The following CNTNAP2 variants were observed in gnomAD, a reference collection of about 807,000 sequenced individuals.
The protein encoded by CNTNAP2 is contactin-associated protein-like 2.
In CNTNAP2, 98 loss-of-function variants were observed where a neutral mutation model predicts 155.2. The ratio of observed to expected loss-of-function variants is 0.63; its 90% CI spans 0.54 to 0.75. CNTNAP2 has a LOEUF of 0.75. Ranked by LOEUF, CNTNAP2 falls within the 30% of genes least tolerant of loss-of-function variation. The pLI is 0.00. For synonymous variants in CNTNAP2, 651 were observed against 631.2 expected, an observed-to-expected ratio of 1.03 and a Z score of -0.47; for missense variants, 1,727 against 1,688.1, an observed-to-expected ratio of 1.02 and a Z score of -0.40.
At chr7:148,048,397 A>G (rs1363327532) in intron 15 of CNTNAP2, among the ~76,000 whole-genome samples, 1 of 152,148 alleles carries the variant, frequency 6.6e-6, no homozygotes, top group African/African-American at 2.4e-5. Flanking sequence ...CCCCACCCCA[A>G]TCACCACCTC....
chr7:146,345,190 G>A (rs1794800566), intron 1 of CNTNAP2, among the ~76,000 whole-genome samples: 1 of 152,134 alleles, frequency 6.6e-6, no homozygotes, highest in Non-Finnish European at 1.5e-5. Flanking sequence ...AAATTGACAA[G>A]AGATACCATG....
At chr7:148,174,493 T>A (rs1794899154) in intron 18 of CNTNAP2, among the ~76,000 whole-genome samples, 1 of 152,130 alleles carries the variant, frequency 6.6e-6, no homozygotes, top group Non-Finnish European at 1.5e-5. Flanking sequence ...GGCCGAAGAA[T>A]GAGCTCCATG....
At chr7:146,395,835 GA>G (rs1795618157) in intron 1 of CNTNAP2, among the ~76,000 whole-genome samples, 9 of 99,330 alleles carry the variant, frequency 9.1e-5, no homozygotes, top group East Asian at 4.2e-4. Flanking sequence ...AGGAGAGAGA[GA>G]GAGAGAGAGA....
chr7:147,566,470 A>G (rs1800173578), intron 12 of CNTNAP2, among the ~76,000 whole-genome samples: 1 of 152,048 alleles, frequency 6.6e-6, no homozygotes, highest in Non-Finnish European at 1.5e-5. Flanking sequence ...CTTCCCTGAG[A>G]TTGAGTAATT....
At chr7:148,326,726 A>C (rs533485305) in intron 21 of CNTNAP2, among the ~76,000 whole-genome samples, 1 of 152,058 alleles carries the variant, frequency 6.6e-6, no homozygotes, top group African/African-American at 2.4e-5. Flanking sequence ...TTAGCCGGGC[A>C]TGGTGGTGGG....
intron 3 of CNTNAP2, among the ~76,000 whole-genome samples, chr7:146,928,613 C>T (rs901131033): frequency 7.2e-5 from 11 of 152,034 alleles, no homozygotes; most frequent in East Asian, 1.9e-4. Flanking sequence ...GCACCGTGCA[C>T]GAGCCGAAGC....
Position 146,578,421 on chromosome 7 carries a change from T to C in CNTNAP2, c.98-195850T>C, listed in dbSNP as rs543856421. Among the ~76,000 whole-genome samples, 3 of 151,908 alleles carry C rather than the reference T, an allele frequency of 2.0e-5. 1 individual carries two copies. The South Asian group carries it at 6.2e-4, about 31-fold the overall frequency. ...TTAGACACATGCATGTTGTTCATCC[T>C]CAGCTCCAGAAAAACACAACCTTAA... is the stretch of plus-strand genomic sequence containing the variant. On this transcript the variant is annotated intron_variant, in intron 1 of 23. Transcript: ENST00000361727.
chr7:146,932,882 G>T (rs1228677998), intron 3 of CNTNAP2, among the ~76,000 whole-genome samples: 4 of 152,116 alleles, frequency 2.6e-5, no homozygotes, highest in Non-Finnish European at 5.9e-5. Flanking sequence ...ACTCACAAGG[G>T]ATGTGAAGGA....
chr7:146,230,273 A>G (rs1165488943), intron 1 of CNTNAP2, among the ~76,000 whole-genome samples: 1 of 152,192 alleles, frequency 6.6e-6, no homozygotes, highest in African/African-American at 2.4e-5. Context: ...AAGTGTCAAA[A>G]GAATTCTGCT....
chr7:147,835,877 C>G (rs1322783188), intron 13 of CNTNAP2, among the ~76,000 whole-genome samples: 1 of 152,092 alleles, frequency 6.6e-6, no homozygotes, highest in Non-Finnish European at 1.5e-5. Flanking sequence ...GTTCTGTGGT[C>G]ACAAGACCAA....
At chr7:146,473,518 A>T (rs1475674071) in intron 1 of CNTNAP2, among the ~76,000 whole-genome samples, 1 of 152,118 alleles carries the variant, frequency 6.6e-6, no homozygotes, top group Non-Finnish European at 1.5e-5. Flanking sequence ...GTTTGAGTTG[A>T]ATTTGATCTA....
At chr7:146,993,216 G>A (rs571707868) in intron 3 of CNTNAP2, among the ~76,000 whole-genome samples, 1 of 152,258 alleles carries the variant, frequency 6.6e-6, no homozygotes, top group East Asian at 1.9e-4. Context: ...CTTGGGGTTG[G>A]CATATTTCTA....
intron 1 of CNTNAP2, among the ~76,000 whole-genome samples, chr7:146,279,925 A>G (rs1404692753): frequency 6.6e-6 from 1 of 151,916 alleles, no homozygotes; most frequent in Non-Finnish European, 1.5e-5. Context: ...ATATACTAAT[A>G]AGTGAAAGGA....
intron 14 of CNTNAP2, among the ~76,000 whole-genome samples, chr7:147,931,420 G>A (rs557715728): frequency 6.6e-6 from 1 of 152,114 alleles, no homozygotes; most frequent in South Asian, 2.1e-4. Flanking sequence ...AAAGAAAAGG[G>A]GATACTTTCA....
intron 4 of CNTNAP2, among the ~76,000 whole-genome samples, chr7:147,098,706 A>T (rs1257703770): frequency 6.6e-6 from 1 of 152,122 alleles, no homozygotes; most frequent in Non-Finnish European, 1.5e-5. Context: ...GTGTTTTCTA[A>T]TATAGTTTAT....
intron 15 of CNTNAP2, among the ~76,000 whole-genome samples, chr7:147,997,513 G>A (rs558433937): frequency 1.4e-4 from 21 of 150,176 alleles, no homozygotes; most frequent in African/African-American, 4.9e-4. Flanking sequence ...CCGAGATCAC[G>A]CCATTGCACT....
chr7:148,011,013 T>C (rs534875248), intron 15 of CNTNAP2, among the ~76,000 whole-genome samples: 11 of 152,316 alleles, frequency 7.2e-5, no homozygotes, highest in South Asian at 4.1e-4. Flanking sequence ...ATAGTATCTT[T>C]TAATAAATTA....
At chr7:147,111,849 C>T (rs1189811988) in intron 5 of CNTNAP2, among the ~76,000 whole-genome samples, 1 of 152,036 alleles carries the variant, frequency 6.6e-6, no homozygotes, top group African/African-American at 2.4e-5. Context: ...GGCCATTGGA[C>T]TCTTTTTTGG....
intron 12 of CNTNAP2, among the ~76,000 whole-genome samples, chr7:147,606,254 A>G (rs1234533426): frequency 1.3e-5 from 2 of 152,210 alleles, no homozygotes; most frequent in Non-Finnish European, 2.9e-5. Context: ...ACTTACCATA[A>G]ATGAATCACC....
Sources: allele counts gnomAD v4.1 joint callset (sites outside exome capture counted in the v4.1 genomes callset), GRCh38; gene constraint gnomAD v4.1.1; transcripts MANE v1.5; gene names NCBI Gene and HGNC (gene_info 2026-07-23, HGNC 2026-07-21).